Variants in KIAA0753 observed in about 807,000 individuals in gnomAD.
The protein encoded by KIAA0753 is KIAA0753, also known as protein moonraker.
In KIAA0753, 114 loss-of-function variants were observed where a neutral mutation model predicts 116.9. That is an observed-to-expected ratio of 0.98 (90% CI 0.84 to 1.14). The LOEUF is 1.14. KIAA0753 is among the 50% of genes most tolerant of loss of function. The pLI, the probability that KIAA0753 is intolerant of heterozygous loss-of-function variation, is 0.00. For synonymous variants in KIAA0753, 405 were observed against 413.1 expected, an observed-to-expected ratio of 0.98 and a Z score of 0.24; for missense variants, 1,156 against 1,172.4, an observed-to-expected ratio of 0.99 and a Z score of 0.20.
intron 16 of KIAA0753, among the ~76,000 whole-genome samples, chr17:6,594,015 G>T (rs1262009292): frequency 6.6e-6 from 1 of 152,180 alleles, no homozygotes; most frequent in African/African-American, 2.4e-5. Context: ...AGGCCGCTTT[G>T]ATAAAGATTT....
intron 4 of KIAA0753, among the ~76,000 whole-genome samples, chr17:6,624,291 C>T (rs567624980): frequency 6.6e-6 from 1 of 152,256 alleles, no homozygotes; most frequent in East Asian, 1.9e-4. Context: ...AAATTATTTA[C>T]TATTACAAGC....
intron 18 of KIAA0753, among the ~76,000 whole-genome samples, chr17:6,580,072 G>A (rs1006296002): frequency 4.0e-5 from 6 of 151,880 alleles, no homozygotes; most frequent in African/African-American, 1.5e-4. Flanking sequence ...TATAAACCCT[G>A]TTACTCAGGA....
In KIAA0753 at chr17:6,639,590, C is replaced by T. The variant is rs553607243; in HGVS notation, c.-69+1047G>A. 3.9e-5 allele frequency: 6 copies of T among 153,064 alleles called. No individual in the cohort carries two copies. In the East Asian group the frequency reaches 1.2e-3, roughly 30 times the overall value. The allele number at this position is 153,064 out of a possible 1,614,324, so 9.5% of individuals were successfully genotyped here. ...CCTAAGGCTCTCTCGTAAGCTGCCC[C>T]TAAGCCCAGAGCTGTGGGCCCTGAG... On this transcript the variant is annotated intron_variant, in intron 1 of 18. Transcript: ENST00000361413. This position sits in a 1 kb window ranked among gnomAD's most constrained non-coding sequence, Gnocchi z 4.3.
Position 6,600,366 on chromosome 17 carries a change from A to G in KIAA0753, c.2088+14T>C, listed in dbSNP as rs759485435. The G allele has an allele frequency of 6.2e-7, 1 of 1,607,256 alleles. No homozygotes were observed. Among genetic ancestry groups the G allele is most frequent in the South Asian group, 1.1e-5 (1 of 90,854 alleles). On this transcript the variant is annotated intron_variant, in intron 13 of 18. Transcript: ENST00000361413. ...TCCAAAAAGCAAGCAAATGAAACGA[A>G]CTAGATAGATTACCTGGGCCTTGAC...
chr17:6,592,937 C>G (rs905328711), intron 16 of KIAA0753, among the ~76,000 whole-genome samples: 1 of 151,904 alleles, frequency 6.6e-6, no homozygotes, highest in South Asian at 2.1e-4. Flanking sequence ...CTGGTGGCTG[C>G]CCGGGTGGGA....
At position 6,628,230 on chromosome 17, in the gene KIAA0753, G is replaced by A. The variant is rs1018785426; in HGVS notation, c.605C>T (p.Pro202Leu). 1 of 1,614,166 alleles carries A rather than the reference G, an allele frequency of 6.2e-7. No homozygotes were observed. The highest frequency in any genetic ancestry group is 8.5e-7 in the Non-Finnish European group (1 of 1,180,036). The part of the protein sequence containing the change: ...PTHDPGLQPH[P>L]RIGDHKNISE... Reference sequence around the variant, plus strand: ...TATGTTTTTGTGGTCACCTATCCTGGGATGAGGCTGAAGTCCCGGATCATG... The same window carrying A: ...TATGTTTTTGTGGTCACCTATCCTGAGATGAGGCTGAAGTCCCGGATCATG... Residue 202 changes from proline to leucine, a missense_variant, in exon 3 of 19, where the codon CCC becomes CTC. Physicochemically the swap from Pro to Leu is moderately conservative, Grantham distance 98. Coordinates refer to ENST00000361413, the MANE Select transcript of KIAA0753 (RefSeq NM_014804.3).
intron 3 of KIAA0753, among the ~76,000 whole-genome samples, chr17:6,626,937 A>T (rs1355526626): frequency 6.6e-6 from 1 of 152,188 alleles, no homozygotes; most frequent in Non-Finnish European, 1.5e-5. Flanking sequence ...CTTCCAATCA[A>T]AGTAGGTAGG....
chr17:6,585,445 A>G (rs994553421), intron 18 of KIAA0753, among the ~76,000 whole-genome samples: 8 of 152,126 alleles, frequency 5.3e-5, no homozygotes, highest in African/African-American at 1.9e-4. Flanking sequence ...TTCTTATAGC[A>G]TTTCTCTGAT....
chr17:6,605,667 G>A (rs1189630975), intron 12 of KIAA0753, among the ~76,000 whole-genome samples: 11 of 151,894 alleles, frequency 7.2e-5, no homozygotes. Flanking sequence ...ATGAAGAAGA[G>A]TAATGAAAAG....
At chr17:6,588,622 T>A (rs147517307) in intron 18 of KIAA0753, among the ~76,000 whole-genome samples, 1 of 152,076 alleles carries the variant, frequency 6.6e-6, no homozygotes, top group Non-Finnish European at 1.5e-5. Flanking sequence ...AACTAGCAAA[T>A]AAAAAGAAAT....
Position 6,579,627 on chromosome 17 carries a change from T to G in KIAA0753, c.*120A>C. 1.4e-6 allele frequency: 1 copy of G among 699,916 alleles called. No individual in the cohort carries two copies. The highest frequency in any genetic ancestry group is 2.5e-6 in the Non-Finnish European group (1 of 396,326). The allele number at this position is 699,916 out of a possible 1,614,324, so 43.4% of individuals were successfully genotyped here. ...CTCCCCGGCACTGCCTTCCTTTCAG[T>G]GGGCAGCACCTTCTGGGCCTGGATG... On this transcript the variant is annotated 3_prime_UTR_variant, in exon 19 of 19. Coordinates refer to ENST00000361413, the MANE Select transcript of KIAA0753 (RefSeq NM_014804.3).
rs1176753720 is a variant in KIAA0753, at chr17:6,639,578, C to G, written c.-69+1059G>C. ...TGTCCACAGAAGCCTAAGGCTCTCT[C>G]GTAAGCTGCCCCTAAGCCCAGAGCT... is the stretch of plus-strand genomic sequence containing the variant. On this transcript the variant is annotated intron_variant, in intron 1 of 18. Coordinates refer to ENST00000361413, the MANE Select transcript of KIAA0753 (RefSeq NM_014804.3). This position sits in a 1 kb window ranked among gnomAD's most constrained non-coding sequence, Gnocchi z 4.3. 6.5e-6 allele frequency: 1 copy of G among 152,892 alleles called. No homozygotes were observed. The highest frequency in any genetic ancestry group is 1.5e-5 in the Non-Finnish European group (1 of 68,324). The allele number at this position is 152,892 out of a possible 1,614,324, so 9.5% of individuals were successfully genotyped here.
intron 14 of KIAA0753, among the ~76,000 whole-genome samples, chr17:6,597,358 G>A (rs1969554131): frequency 6.6e-6 from 1 of 151,992 alleles, no homozygotes; most frequent in Admixed American, 6.6e-5. Flanking sequence ...AAAATCAAGA[G>A]ACAACCAATA....
chr17:6,594,311 G>C (rs756300234), intron 16 of KIAA0753, among the ~76,000 whole-genome samples: 7 of 149,016 alleles, frequency 4.7e-5, no homozygotes, highest in Non-Finnish European at 8.9e-5. Context: ...GAATAAATTT[G>C]TGCTTTAAGC....
At chr17:6,603,609 T>A (rs926849011) in intron 12 of KIAA0753, among the ~76,000 whole-genome samples, 1 of 152,062 alleles carries the variant, frequency 6.6e-6, no homozygotes, top group Admixed American at 6.6e-5. Flanking sequence ...CGGAGAGAAG[T>A]AGAGAAGGCA....
intron 12 of KIAA0753, among the ~76,000 whole-genome samples, chr17:6,606,462 G>C (rs527255202): frequency 9.5e-4 from 144 of 152,330 alleles, no homozygotes; most frequent in African/African-American, 3.1e-3. Context: ...AACCGCATTT[G>C]AAAACCATAG....
chr17:6,600,257 G>A (rs1969774970), intron 13 of KIAA0753, 123 bp downstream of exon 13: 1 of 724,544 alleles, frequency 1.4e-6, no homozygotes, highest in Non-Finnish European at 2.4e-6. Flanking sequence ...GTGGTCTGGG[G>A]GTATCTTCCA....
rs796800285 is a variant in KIAA0753 at position 6,618,296 on chromosome 17, C to T, written c.1315+2492G>A. Reference sequence around the variant, plus strand: ...GTTCATCTGTATCTTCTATAACACCCTTTATGATAAATGGGTAAACATAAG... The same window carrying T: ...GTTCATCTGTATCTTCTATAACACCTTTTATGATAAATGGGTAAACATAAG... On this transcript the variant is annotated intron_variant, in intron 7 of 18. Coordinates refer to ENST00000361413, the MANE Select transcript of KIAA0753 (RefSeq NM_014804.3). 9.7e-4 allele frequency among the ~76,000 whole-genome samples: 148 copies of T among 152,242 alleles called. 1 individual carries two copies. The highest frequency in any genetic ancestry group is 3.4e-3 in the African/African-American group (140 of 41,548).
intron 16 of KIAA0753, among the ~76,000 whole-genome samples, chr17:6,594,277 AC>A (rs34010703): frequency 0.1 from 14,374 of 141,674 alleles, 751 homozygotes; most frequent in Non-Finnish European, 0.11. Context: ...TCAGATTCTG[AC>A]CCCCCCCCCC....
Sources: allele counts gnomAD v4.1 joint callset (sites outside exome capture counted in the v4.1 genomes callset), GRCh38; gene constraint gnomAD v4.1.1; non-coding constraint Gnocchi (gnomAD v3.1); transcripts MANE v1.5; gene names NCBI Gene and HGNC (gene_info 2026-07-23, HGNC 2026-07-21).